The following FNDC3A variants were observed in gnomAD, a reference collection of about 807,000 sequenced individuals.
FNDC3A encodes fibronectin type III domain containing 3A.
In FNDC3A, 32 loss-of-function variants were observed where a neutral mutation model predicts 148.9. That is an observed-to-expected ratio of 0.21 (90% confidence interval 0.16 to 0.29). The LOEUF (loss-of-function observed/expected upper bound fraction) is 0.29. FNDC3A is among the 10% of genes least tolerant of loss of function. FNDC3A has a pLI of 1.00. For missense variants in FNDC3A, 1,191 were observed against 1,452.8 expected, an observed-to-expected ratio of 0.82 and a Z score of 2.93; for synonymous variants, 472 against 473.6, an observed-to-expected ratio of 1.00 and a Z score of 0.04.
At chr13:49,119,808 C>T (rs185116219) in intron 4 of FNDC3A, among the ~76,000 whole-genome samples, 97 of 151,936 alleles carry the variant, frequency 6.4e-4, no homozygotes, top group Admixed American at 9.8e-4. Flanking sequence ...TGAAAATGAA[C>T]GAACAAAGCC....
chr13:49,038,627 A>G (rs530841631), intron 2 of FNDC3A, among the ~76,000 whole-genome samples: 69 of 152,240 alleles, frequency 4.5e-4, no homozygotes, highest in Non-Finnish European at 8.7e-4. Flanking sequence ...GGTAGCCAAG[A>G]TAATTTATTT....
chr13:49,162,589 A>G (rs1884211452), intron 8 of FNDC3A, among the ~76,000 whole-genome samples: 1 of 152,164 alleles, frequency 6.6e-6, no homozygotes, highest in Non-Finnish European at 1.5e-5. Flanking sequence ...GTTACTACCA[A>G]CTTTCTGAAG....
intron 8 of FNDC3A, among the ~76,000 whole-genome samples, chr13:49,147,069 A>C (rs1883037052): frequency 6.6e-6 from 1 of 152,178 alleles, no homozygotes; most frequent in African/African-American, 2.4e-5. Context: ...TAGTTACATA[A>C]GGTTATAAAA....
At chr13:49,062,005 A>T (rs968868179) in intron 2 of FNDC3A, among the ~76,000 whole-genome samples, 3 of 151,592 alleles carry the variant, frequency 2.0e-5, no homozygotes, top group Non-Finnish European at 2.9e-5. Flanking sequence ...TCCCCATAGT[A>T]ATAATTGATT....
At chr13:49,149,120 TC>T (rs1883148028) in intron 8 of FNDC3A, among the ~76,000 whole-genome samples, 2 of 152,082 alleles carry the variant, frequency 1.3e-5, no homozygotes, top group South Asian at 2.1e-4. Flanking sequence ...TTCAGATTTT[TC>T]TACATGTAAG....
intron 2 of FNDC3A, among the ~76,000 whole-genome samples, chr13:49,018,211 C>CCA: frequency 6.6e-6 from 1 of 152,082 alleles, no homozygotes; most frequent in Non-Finnish European, 1.5e-5. Context: ...CAACTTGGTT[C>CCA]TATTCTCCCC....
chr13:49,129,565 C>G (rs1458841990), intron 4 of FNDC3A, among the ~76,000 whole-genome samples: 1 of 152,184 alleles, frequency 6.6e-6, no homozygotes, highest in African/African-American at 2.4e-5. Context: ...AAAAAGCTAT[C>G]AGCAGTTCCC....
chr13:49,158,811 G>C (rs1430504939), intron 8 of FNDC3A, among the ~76,000 whole-genome samples: 1 of 152,132 alleles, frequency 6.6e-6, no homozygotes, highest in African/African-American at 2.4e-5. Context: ...GTGTAAGGAA[G>C]GGATCCAGTT....
intron 4 of FNDC3A, among the ~76,000 whole-genome samples, chr13:49,115,570 A>G (rs980704375): frequency 6.6e-6 from 1 of 152,230 alleles, no homozygotes; most frequent in Admixed American, 6.5e-5. Flanking sequence ...GCTGGGAAGG[A>G]GAGAATGGAA....
chr13:49,122,419 T>C (rs578207647), intron 4 of FNDC3A, among the ~76,000 whole-genome samples: 2 of 152,268 alleles, frequency 1.3e-5, no homozygotes, highest in South Asian at 4.1e-4. Flanking sequence ...GCTGGAAGCA[T>C]TACCTTTGAA....
At chr13:49,112,690 T>C (rs564340044) in intron 3 of FNDC3A, among the ~76,000 whole-genome samples, 2 of 152,248 alleles carry the variant, frequency 1.3e-5, no homozygotes, top group South Asian at 4.1e-4. Flanking sequence ...TGGTTTTGAA[T>C]CCCACTTCTA....
Position 49,131,175 on chromosome 13 carries a change from C to A in FNDC3A, c.291C>A (p.Val97=). ...EDNGVRRVVV[V]PQAPEFHPGS... is the part of the protein sequence containing the mutation. Reference sequence around the variant, plus strand: ...ATGGTGTTCGAAGAGTTGTCGTGGTCCCTCAGGCACCAGAGTTTCACCCTG... The same window carrying A: ...ATGGTGTTCGAAGAGTTGTCGTGGTACCTCAGGCACCAGAGTTTCACCCTG... Residue 97 remains valine, a synonymous_variant, in exon 5 of 26, where the codon GTC becomes GTA. Transcript: ENST00000492622. 6.2e-7 allele frequency: 1 copy of A among 1,613,744 alleles called. No homozygotes were observed. Among genetic ancestry groups the A allele is most frequent in the South Asian group, 1.1e-5 (1 of 91,066 alleles).
intron 2 of FNDC3A, among the ~76,000 whole-genome samples, chr13:49,057,318 G>A (rs898884186): frequency 6.6e-6 from 1 of 152,080 alleles, no homozygotes; most frequent in Non-Finnish European, 1.5e-5. Flanking sequence ...TAGGGGAGCT[G>A]GATTTACACA....
At chr13:49,109,400 T>C (rs1335073584) in intron 3 of FNDC3A, among the ~76,000 whole-genome samples, 6 of 152,220 alleles carry the variant, frequency 3.9e-5, no homozygotes, top group African/African-American at 1.2e-4. Context: ...GAAGCTGTTA[T>C]TAAAATATAT....
intron 10 of FNDC3A, 130 bp from the exon 11 acceptor site, chr13:49,171,913 T>C (rs1884774949): frequency 1.6e-6 from 1 of 615,198 alleles, no homozygotes; most frequent in Non-Finnish European, 2.8e-6. Flanking sequence ...TGTATTTTTA[T>C]GAACATTTTC....
chr13:49,124,034 A>G (rs1438160341), intron 4 of FNDC3A, among the ~76,000 whole-genome samples: 1 of 152,234 alleles, frequency 6.6e-6, no homozygotes, highest in Non-Finnish European at 1.5e-5. Flanking sequence ...TACTAGGACC[A>G]TGCACATGTA....
At chr13:49,048,609 T>G (rs1226630456) in intron 2 of FNDC3A, among the ~76,000 whole-genome samples, 2 of 152,138 alleles carry the variant, frequency 1.3e-5, no homozygotes, top group African/African-American at 4.8e-5. Flanking sequence ...CTTGATTTGA[T>G]TCTCCGCTTG....
chr13:49,018,171 C>G (rs1341662163), intron 2 of FNDC3A, among the ~76,000 whole-genome samples: 8 of 151,942 alleles, frequency 5.3e-5, no homozygotes, highest in Non-Finnish European at 1.2e-4. Context: ...TGGGGAAGTT[C>G]TCCTGGATAA....
rs149901576 is a variant in FNDC3A at position 49,073,518 on chromosome 13, G to A, written c.100-1771G>A. 3.8e-3 allele frequency among the ~76,000 whole-genome samples: 571 copies of A among 151,686 alleles called. 1 individual carries two copies. Among genetic ancestry groups the A allele is most frequent in the Non-Finnish European group, 6.5e-3 (444 of 67,930 alleles). On this transcript the variant is annotated intron_variant, in intron 2 of 25. Coordinates refer to ENST00000492622, the MANE Select transcript of FNDC3A (RefSeq NM_001079673.2). ...TTCCACACCCAACCTCATCTGACAG[G>A]TCATATGACAGGTTACAATCAAAAC...
Sources: allele counts gnomAD v4.1 joint callset (sites outside exome capture counted in the v4.1 genomes callset), GRCh38; gene constraint gnomAD v4.1.1; transcripts MANE v1.5; gene names NCBI Gene and HGNC (gene_info 2026-07-23, HGNC 2026-07-21).